TENM2: variants seen among roughly 807,000 people sequenced by gnomAD.
TENM2 encodes teneurin transmembrane protein 2, also known as teneurin-2.
Under a neutral mutation model 245.2 loss-of-function variants are expected in TENM2, and 52 were observed. That is an observed-to-expected ratio of 0.21 (90% CI 0.17 to 0.27). The LOEUF is 0.27. Ranked by LOEUF, TENM2 falls within the 10% of genes least tolerant of loss-of-function variation. TENM2 has a pLI of 1.00. For synonymous variants in TENM2, 1,363 were observed against 1,438.9 expected (o/e 0.95, Z 1.19); for missense variants, 3,046 against 3,666.8 (o/e 0.83, Z 4.37).
intron 2 of TENM2, among the ~76,000 whole-genome samples, chr5:167,602,300 A>G (rs1191327505): frequency 6.6e-6 from 1 of 152,084 alleles, no homozygotes; most frequent in Admixed American, 6.6e-5. Flanking sequence ...CCCCTTTCCA[A>G]TTGGTATCGA....
intron 5 of TENM2, among the ~76,000 whole-genome samples, chr5:168,018,206 A>G (rs1184307574): frequency 2.0e-5 from 3 of 151,802 alleles, no homozygotes; most frequent in Non-Finnish European, 2.9e-5. Flanking sequence ...CTTTCTCCCT[A>G]TTCCTCTTCT....
intron 2 of TENM2, among the ~76,000 whole-genome samples, chr5:167,756,944 A>T (rs1478429708): frequency 6.6e-6 from 1 of 152,190 alleles, no homozygotes; most frequent in African/African-American, 2.4e-5. Context: ...AATTGCCCTG[A>T]CATAGACCCC....
chr5:167,844,320 A>C (rs1382862687), intron 2 of TENM2, among the ~76,000 whole-genome samples: 1 of 152,242 alleles, frequency 6.6e-6, no homozygotes, highest in Non-Finnish European at 1.5e-5. Flanking sequence ...GAAAAATGGC[A>C]ATCAGCACCA....
At chr5:167,272,678 C>A in the TENM2 span, among the ~76,000 whole-genome samples, 5 of 152,120 alleles carry the variant, frequency 3.3e-5, no homozygotes, top group African/African-American at 4.8e-5. Flanking sequence ...TGGTCACATC[C>A]ATCCCCACTT....
At chr5:167,262,591 A>T in the TENM2 span, among the ~76,000 whole-genome samples, 3 of 152,100 alleles carry the variant, frequency 2.0e-5, no homozygotes, top group African/African-American at 7.2e-5. Context: ...GATTAAAATG[A>T]AGGGTAGAGG....
At chr5:166,991,420 TA>T in the TENM2 span, among the ~76,000 whole-genome samples, 29 of 152,094 alleles carry the variant, frequency 1.9e-4, no homozygotes, top group Non-Finnish European at 4.1e-4. Context: ...GAGATAATTT[TA>T]TTTAAAATTG....
the TENM2 span, among the ~76,000 whole-genome samples, chr5:167,261,688 T>G: frequency 2.0e-5 from 3 of 152,202 alleles, no homozygotes; most frequent in South Asian, 2.1e-4. Flanking sequence ...ACTCAACATT[T>G]ATATCCTTCA....
At chr5:168,223,711 C>T (rs533685948) in intron 23 of TENM2, among the ~76,000 whole-genome samples, 124 of 152,144 alleles carry the variant, frequency 8.2e-4, no homozygotes, top group African/African-American at 1.8e-3. Flanking sequence ...ATGATCCACC[C>T]GCCTCAGCCT....
chr5:167,341,046 C>T (rs147577629), intron 1 of TENM2, among the ~76,000 whole-genome samples: 71 of 152,046 alleles, frequency 4.7e-4, no homozygotes, highest in Non-Finnish European at 8.1e-4. Flanking sequence ...TGCTGACACC[C>T]TACAGATTCG....
chr5:167,710,313 G>A (rs999148265), intron 2 of TENM2, among the ~76,000 whole-genome samples: 16 of 150,624 alleles, frequency 1.1e-4, no homozygotes, highest in Non-Finnish European at 1.8e-4. Context: ...TACTAAAGTA[G>A]CCCTTATTTT....
chr5:167,890,223 A>G (rs755013291), intron 3 of TENM2, among the ~76,000 whole-genome samples: 1 of 152,150 alleles, frequency 6.6e-6, no homozygotes, highest in Admixed American at 6.5e-5. Context: ...AAGACTGAGA[A>G]CTAGGCACGA....
At chr5:168,068,446 C>T (rs570896142) in intron 7 of TENM2, among the ~76,000 whole-genome samples, 12 of 152,156 alleles carry the variant, frequency 7.9e-5, no homozygotes, top group Admixed American at 5.9e-4. Flanking sequence ...TATAAAAAGA[C>T]GAAAGTGATA....
intron 3 of TENM2, among the ~76,000 whole-genome samples, chr5:167,950,413 T>C (rs1478080879): frequency 6.6e-6 from 1 of 152,042 alleles, no homozygotes; most frequent in African/African-American, 2.4e-5. Context: ...TTAAATCCTT[T>C]ATATGGCCTC....
intron 3 of TENM2, among the ~76,000 whole-genome samples, chr5:167,896,847 G>A (rs555404630): frequency 1.3e-4 from 20 of 152,178 alleles, no homozygotes; most frequent in Non-Finnish European, 2.6e-4. Context: ...TGGAAACTCC[G>A]AAAGCTGTTA....
At chr5:167,209,268 A>AT in the TENM2 span, among the ~76,000 whole-genome samples, 3,391 of 146,556 alleles carry the variant, frequency 0.023, 36 homozygotes, top group Middle Eastern at 0.046. Flanking sequence ...ATTTTTAGTA[A>AT]TTTTTTTTTT....
chr5:167,964,552 T>G (rs1270054868), intron 4 of TENM2, among the ~76,000 whole-genome samples: 1 of 152,178 alleles, frequency 6.6e-6, no homozygotes, highest in Non-Finnish European at 1.5e-5. Flanking sequence ...AAACAAAACC[T>G]CTGTCCTTAT....
chr5:167,558,694 G>T (rs1773403488), intron 2 of TENM2, among the ~76,000 whole-genome samples: 1 of 152,036 alleles, frequency 6.6e-6, no homozygotes, highest in African/African-American at 2.4e-5. Flanking sequence ...ACAAGCTCAG[G>T]GCTCCCACTG....
intron 2 of TENM2, among the ~76,000 whole-genome samples, chr5:167,683,935 G>T (rs1397050450): frequency 1.3e-5 from 2 of 152,138 alleles, no homozygotes; most frequent in Non-Finnish European, 2.9e-5. Context: ...AGGTGGCTGG[G>T]TGGCCATTTT....
the TENM2 span, among the ~76,000 whole-genome samples, chr5:167,255,759 T>C: frequency 1.3e-5 from 2 of 152,172 alleles, no homozygotes. Flanking sequence ...ATAAAGAATA[T>C]GTCAGTGCTG....
Sources: allele counts gnomAD v4.1 joint callset (sites outside exome capture counted in the v4.1 genomes callset), GRCh38; gene constraint gnomAD v4.1.1; transcripts MANE v1.5; gene names NCBI Gene and HGNC (gene_info 2026-07-23, HGNC 2026-07-21).